TTLL12: variants seen among roughly 807,000 people sequenced by gnomAD.
TTLL12 encodes the protein tubulin tyrosine ligase like 12.
Under a neutral mutation model 79.6 loss-of-function variants are expected in TTLL12, and 77 were observed. The observed-to-expected ratio is 0.97, with a 90% CI of 0.81 to 1.17. The LOEUF is 1.17. TTLL12 is among the 50% of genes most tolerant of loss of function. The pLI, the probability that TTLL12 is intolerant of heterozygous loss-of-function variation, is 0.00. For missense variants in TTLL12, 969 were observed against 895.9 expected (o/e 1.08, Z -1.04); for synonymous variants, 437 against 376.1 (o/e 1.16, Z -1.87).
intron 8 of TTLL12, 133 bp from the exon 9 acceptor site, chr22:43,173,959 A>T: frequency 1.1e-6 from 1 of 940,320 alleles, no homozygotes; most frequent in Non-Finnish European, 1.6e-6. Context: ...GAGCTGTCAG[A>T]GGCAGGGGCA....
chr22:43,186,309 G>C (rs1223908593), intron 1 of TTLL12, among the ~76,000 whole-genome samples: 1 of 152,172 alleles, frequency 6.6e-6, no homozygotes, highest in Non-Finnish European at 1.5e-5. Context: ...GGAGGCAGGT[G>C]AGCCGGATGG....
intron 6 of TTLL12, 33 bp downstream of exon 6, chr22:43,176,287 T>A: frequency 6.6e-7 from 1 of 1,506,652 alleles, no homozygotes; most frequent in East Asian, 2.3e-5. Flanking sequence ...TGCGGACAAG[T>A]CCCAGCCCAA....
intron 1 of TTLL12, among the ~76,000 whole-genome samples, chr22:43,184,532 GA>G (rs1932133738): frequency 6.6e-6 from 1 of 152,246 alleles, no homozygotes; most frequent in South Asian, 2.1e-4. Flanking sequence ...GGAAGAGTAA[GA>G]GCGAAGGCCT....
At chr22:43,181,044 T>G in intron 2 of TTLL12, 104 bp from the exon 3 acceptor site, 2 of 1,285,354 alleles carry the variant, frequency 1.6e-6, no homozygotes, top group Non-Finnish European at 2.1e-6. Context: ...GGCCCAAGCT[T>G]CCTTAGATTT....
rs1194757127 is a variant in TTLL12, at chr22:43,167,661, C to G, written c.*347G>C. 1 of 215,706 alleles carries G rather than the reference C, an allele frequency of 4.6e-6. No individual in the cohort carries two copies. The highest frequency in any genetic ancestry group is 9.3e-6 in the Non-Finnish European group (1 of 107,332). The allele number at this position is 215,706 out of a possible 1,614,324, so 13.4% of individuals were successfully genotyped here. A position where few individuals can be genotyped will look rare whatever the true frequency, so the allele number is the denominator to read the frequency against. On this transcript the variant is annotated 3_prime_UTR_variant, in exon 14 of 14. Coordinates refer to ENST00000216129, the MANE Select transcript of TTLL12 (RefSeq NM_015140.4). Reference sequence around the variant, plus strand: ...CCACGGAACCCTTCCCCCAGCACCCCCTGGAAACACAGCAGCCAGGAACAA... The same window carrying G: ...CCACGGAACCCTTCCCCCAGCACCCGCTGGAAACACAGCAGCCAGGAACAA...
Position 43,187,050 on chromosome 22 carries a change from G to T in TTLL12, c.20C>A (p.Pro7His). The T allele has an allele frequency of 8.4e-7, 1 of 1,191,206 alleles. No individual in the cohort carries two copies. Among genetic ancestry groups the T allele is most frequent in the Non-Finnish European group, 1.0e-6 (1 of 962,160 alleles). 73.8% of individuals were successfully genotyped at this position (1,191,206 alleles called of 1,614,324 possible). MEAERG[P>H]ERRPAERSSP... ...GCTACGCTCCGCAGGCCGGCGCTCG[G>T]GACCCCGCTCGGCCTCCATGGCGCC... The change falls in exon 1 of 14, where the codon CCC becomes CAC. Residue 7 changes from proline (P) to histidine (H), a missense_variant. Pro to His is a moderately conservative substitution (Grantham distance 77). Coordinates refer to ENST00000216129, the MANE Select transcript of TTLL12 (RefSeq NM_015140.4).
chr22:43,179,811 T>A (rs368901800), intron 4 of TTLL12, 30 bp downstream of exon 4: 423 of 1,555,506 alleles, frequency 2.7e-4, no homozygotes, highest in Middle Eastern at 5.2e-4. Flanking sequence ...CTGAGGCCCC[T>A]CCTCCAGGGC....
chr22:43,182,309 G>T (rs1932078825), intron 2 of TTLL12, among the ~76,000 whole-genome samples: 1 of 152,226 alleles, frequency 6.6e-6, no homozygotes, highest in Non-Finnish European at 1.5e-5. Context: ...CGTATTTCCG[G>T]GGTGGCTTGC....
At chr22:43,178,024 G>A (rs775064480) in intron 5 of TTLL12, among the ~76,000 whole-genome samples, 11 of 152,136 alleles carry the variant, frequency 7.2e-5, no homozygotes, top group Non-Finnish European at 1.5e-5. Flanking sequence ...ACAAACTTTA[G>A]TTCATGTTCC....
intron 8 of TTLL12, 128 bp downstream of exon 8, chr22:43,174,081 T>A (rs1209532278): frequency 4.6e-6 from 6 of 1,299,410 alleles, no homozygotes; most frequent in Non-Finnish European, 5.3e-6. Context: ...GCCGTGACGT[T>A]CGGGGCCCAC....
chr22:43,180,965 G>C (rs1376011838), intron 2 of TTLL12, 25 bp from the exon 3 acceptor site: 1 of 1,601,574 alleles, frequency 6.2e-7, no homozygotes, highest in South Asian at 1.1e-5. Context: ...CACAATGTGA[G>C]GCTGCCGGGT....
chr22:43,184,138 G>C (rs1182343571), intron 1 of TTLL12, among the ~76,000 whole-genome samples: 1 of 152,224 alleles, frequency 6.6e-6, no homozygotes, highest in East Asian at 1.9e-4. Context: ...GACACTGATG[G>C]AATGAAATCA....
chr22:43,184,376 A>C lies in TTLL12; in HGVS notation c.178-1227T>G, dbSNP rs9623772. Reference sequence around the variant, plus strand: ...AGGCTGAGTAAGGTCTAGGCCACCTAAGAGTATCAGGTAAATTGCTCTGGG... The same window carrying C: ...AGGCTGAGTAAGGTCTAGGCCACCTCAGAGTATCAGGTAAATTGCTCTGGG... On this transcript the variant is annotated intron_variant, in intron 1 of 13. Coordinates refer to ENST00000216129, the MANE Select transcript of TTLL12 (RefSeq NM_015140.4). Among the ~76,000 whole-genome samples, 544 of 152,354 alleles carry C rather than the reference A, an allele frequency of 3.6e-3. 4 individuals are homozygous for C. The highest frequency in any genetic ancestry group is 0.013 in the African/African-American group (529 of 41,592).
chr22:43,176,729 CAAAAAA>C (rs869094672), intron 5 of TTLL12, among the ~76,000 whole-genome samples: 2 of 58,912 alleles, frequency 3.4e-5, no homozygotes, highest in Non-Finnish European at 3.1e-5. Context: ...GACTACATCT[CAAAAAA>C]AAAAAAAAAA....
intron 9 of TTLL12, 113 bp downstream of exon 9, chr22:43,173,600 ACC>A: frequency 1.0e-6 from 1 of 977,130 alleles, no homozygotes; most frequent in Non-Finnish European, 1.5e-6. Context: ...GGTGTAAGCC[ACC>A]CTGCCCAGCC....
Position 43,171,818 on chromosome 22 carries a change from C to A in TTLL12, c.1575+1G>T. On this transcript the variant is annotated splice_donor_variant, in intron 11 of 13. Transcript: ENST00000216129. LOFTEE classifies it high-confidence loss of function. ...TGCTCTGCACCTCCCTCAGGCCCTA[C>A]CTGCTTCAGCACCACATCCGGGTCA... The A allele has an allele frequency of 6.2e-7, 1 of 1,613,970 alleles. No individual in the cohort carries two copies. The highest frequency in any genetic ancestry group is 1.1e-5 in the South Asian group (1 of 91,090).
Position 43,187,003 on chromosome 22 carries a change from C to A in TTLL12, c.67G>T (p.Glu23Ter), listed in dbSNP as rs1345887180. The change falls in exon 1 of 14, where the codon GAG becomes TAG. Residue 23 changes from glutamate (E) to a stop codon, truncating the protein, a stop_gained. Coordinates refer to ENST00000216129, the MANE Select transcript of TTLL12 (RefSeq NM_015140.4). LOFTEE classifies it high-confidence loss of function. ...AACTCGGCCAAGGCCTGCGCGCCCT[C>A]CTCCGGCGTCTGGCCCGGGCTGCTA... ...ERSSPGQTPE[E>*]GAQALAEFAA... The A allele has an allele frequency of 1.6e-6, 2 of 1,280,318 alleles. No individual in the cohort carries two copies. Among genetic ancestry groups the A allele is most frequent in the Non-Finnish European group, 2.0e-6 (2 of 1,009,806 alleles). 79.3% of individuals were successfully genotyped at this position (1,280,318 alleles called of 1,614,324 possible). A position where few individuals can be genotyped will look rare whatever the true frequency, so the allele number is the denominator to read the frequency against.
chr22:43,177,090 T>C (rs1931934741), intron 5 of TTLL12, among the ~76,000 whole-genome samples: 1 of 152,198 alleles, frequency 6.6e-6, no homozygotes, highest in African/African-American at 2.4e-5. Context: ...CCCACGTGGC[T>C]GCACATGGTG....
At chr22:43,177,932 G>A (rs1440992396) in intron 5 of TTLL12, among the ~76,000 whole-genome samples, 1 of 152,218 alleles carries the variant, frequency 6.6e-6, no homozygotes, top group South Asian at 2.1e-4. Flanking sequence ...TGATTGTAAA[G>A]GGTCAAATGG....
Sources: gnomAD v4.1 joint callset for allele counts (sites outside exome capture counted in the v4.1 genomes callset) on GRCh38, gnomAD v4.1.1 for gene constraint, MANE v1.5 for transcripts, NCBI Gene and HGNC (gene_info 2026-07-23, HGNC 2026-07-21) for gene names.